TANGO6: variants seen among roughly 807,000 people sequenced by gnomAD.
TANGO6 encodes the protein transport and golgi organization 6 homolog.
In TANGO6, 90 loss-of-function variants were observed where a neutral mutation model predicts 114.2. That is an observed-to-expected ratio of 0.79 (90% CI 0.66 to 0.94). The LOEUF (loss-of-function observed/expected upper bound fraction) is 0.94, where lower values mean the gene tolerates loss of function less well. Ranked by LOEUF, TANGO6 falls within the 40% of genes least tolerant of loss-of-function variation. The probability of loss-of-function intolerance (pLI) is 0.00; values close to 1 mark genes in which losing one functional copy is unlikely to be tolerated. For synonymous variants in TANGO6, 477 were observed against 509.8 expected, an observed-to-expected ratio of 0.94 and a Z score of 0.87; for missense variants, 1,274 against 1,315.3, an observed-to-expected ratio of 0.97 and a Z score of 0.49.
At chr16:68,930,141 A>AG in intron 13 of TANGO6, 97 bp from the exon 14 acceptor site, 1 of 1,027,506 alleles carries the variant, frequency 9.7e-7, no homozygotes, top group East Asian at 2.6e-5. Context: ...AAAAACAAGA[A>AG]GCGAAGCATT....
intron 14 of TANGO6, among the ~76,000 whole-genome samples, chr16:68,940,314 G>A (rs937625376): frequency 6.6e-6 from 1 of 151,842 alleles, no homozygotes; most frequent in Admixed American, 6.6e-5. Context: ...GCCTCTCAAA[G>A]TGTTGGGATT....
At chr16:68,850,240 G>A (rs988475484) in intron 1 of TANGO6, among the ~76,000 whole-genome samples, 1 of 152,056 alleles carries the variant, frequency 6.6e-6, no homozygotes, top group African/African-American at 2.4e-5. Flanking sequence ...CCAAAGTGCT[G>A]GGATTACAGG....
chr16:68,880,281 A>G (rs1962438184), intron 6 of TANGO6, among the ~76,000 whole-genome samples: 1 of 152,082 alleles, frequency 6.6e-6, no homozygotes, highest in South Asian at 2.1e-4. Flanking sequence ...CTAAAATGAA[A>G]ATTCTAAGTG....
intron 7 of TANGO6, among the ~76,000 whole-genome samples, chr16:68,886,564 A>AG (rs1962541854): frequency 6.6e-6 from 1 of 152,070 alleles, no homozygotes; most frequent in Admixed American, 6.6e-5. Flanking sequence ...GCTGGAGTGC[A>AG]ATGGCATGAT....
At chr16:68,955,870 C>T (rs1963524950) in intron 14 of TANGO6, among the ~76,000 whole-genome samples, 1 of 152,140 alleles carries the variant, frequency 6.6e-6, no homozygotes. Context: ...ATTATATAAG[C>T]CAGGCATGGT....
chr16:68,987,951 CTT>C (rs1481576689), intron 15 of TANGO6, among the ~76,000 whole-genome samples: 1 of 152,086 alleles, frequency 6.6e-6, no homozygotes, highest in African/African-American at 2.4e-5. Context: ...TCATGTATCT[CTT>C]TTGTGAAGTA....
At chr16:68,976,091 C>A (rs1963763317) in intron 15 of TANGO6, among the ~76,000 whole-genome samples, 1 of 152,008 alleles carries the variant, frequency 6.6e-6, no homozygotes, top group Admixed American at 6.6e-5. Context: ...CATGCCACCA[C>A]ACCTGGCTAA....
intron 14 of TANGO6, among the ~76,000 whole-genome samples, chr16:68,946,196 CTTT>C (rs1314475382): frequency 6.9e-6 from 1 of 144,812 alleles, no homozygotes; most frequent in Non-Finnish European, 1.5e-5. Flanking sequence ...TCTTCTTCTT[CTTT>C]TTTTTTTTTT....
At position 68,909,203 on chromosome 16, in the gene TANGO6, G is replaced by A; in HGVS notation, c.1801-8G>A. On this transcript the variant is annotated splice_polypyrimidine_tract_variant and splice_region_variant and intron_variant, in intron 10 of 17. Transcript: ENST00000261778. ...ATCTTCACTTTTTCTTTCCTGCCAT[G>A]CTTGTAGGAGTTGACTCATGTGGCC... 1 of 1,516,752 alleles carries A rather than the reference G, an allele frequency of 6.6e-7. No individual in the cohort carries two copies. The highest frequency in any genetic ancestry group is 2.1e-5 in the Admixed American group (1 of 47,618). The allele number at this position is 1,516,752 out of a possible 1,614,324, so 94.0% of individuals were successfully genotyped here.
intron 14 of TANGO6, among the ~76,000 whole-genome samples, chr16:68,967,536 C>T (rs1314942649): frequency 6.6e-6 from 1 of 152,204 alleles, no homozygotes; most frequent in Admixed American, 6.6e-5. Flanking sequence ...TATTAGCAGT[C>T]ACTCCCTGCT....
At chr16:68,873,118 G>A (rs1962304353) in intron 4 of TANGO6, among the ~76,000 whole-genome samples, 1 of 148,334 alleles carries the variant, frequency 6.7e-6, no homozygotes, top group South Asian at 2.1e-4. Flanking sequence ...CTCCCCCCAT[G>A]TCCCCCCAAA....
rs762623013 is a variant in TANGO6, at chr16:68,902,427, G to T, written c.1590G>T (p.Val530=). The T allele has an allele frequency of 1.1e-5, 17 of 1,613,876 alleles. No homozygotes were observed. Among genetic ancestry groups the T allele is most frequent in the Non-Finnish European group, 1.2e-5 (14 of 1,179,830 alleles). ...LKGFAGLDKA[V]PSLHSLCQFR... is the part of the protein sequence containing the mutation. ...GATTTGCAGGGTTGGACAAAGCTGTGCCCTCTCTCCATTCTCTGTGTCAGT... is the reference window on the plus strand; with the variant it reads ...GATTTGCAGGGTTGGACAAAGCTGTTCCCTCTCTCCATTCTCTGTGTCAGT... Residue 530 remains valine (V), a synonymous_variant, in exon 9 of 18, where the codon GTG becomes GTT. Coordinates refer to ENST00000261778, the MANE Select transcript of TANGO6 (RefSeq NM_024562.2).
intron 11 of TANGO6, among the ~76,000 whole-genome samples, chr16:68,913,501 C>G (rs953767140): frequency 6.6e-6 from 1 of 150,514 alleles, no homozygotes. Context: ...CTCTGCCTCC[C>G]GGGTTGAAGC....
At chr16:68,977,625 C>T (rs1963777225) in intron 15 of TANGO6, among the ~76,000 whole-genome samples, 1 of 150,472 alleles carries the variant, frequency 6.6e-6, no homozygotes, top group African/African-American at 2.4e-5. Context: ...ATCTCTTGAA[C>T]CCGGGAGGCA....
chr16:69,004,510 C>T (rs143037355), intron 15 of TANGO6, among the ~76,000 whole-genome samples: 1,819 of 152,148 alleles, frequency 0.012, 42 homozygotes, highest in African/African-American at 0.041. Context: ...CGCTTGCCAC[C>T]ACGCCCGGCT....
rs1218331017 is a variant in TANGO6 at position 69,063,805 on chromosome 16, CTTCTTATTATTA to C, written c.3109-19677_3109-19666del. Among the ~76,000 whole-genome samples, 1,019 of 118,472 alleles carry C rather than the reference CTTCTTATTATTA, an allele frequency of 8.6e-3. 8 individuals are homozygous for C. Among genetic ancestry groups the C allele is most frequent in the African/African-American group, 0.038 (960 of 25,532 alleles). 77.7% of individuals were successfully genotyped at this position (118,472 alleles called of 152,430 possible). On this transcript the variant is annotated intron_variant, in intron 17 of 17. Transcript: ENST00000261778. ...TTTTCTTCTTCTTCTTCTTCTTCTT[CTTCTTATTATTA>C]TTATTATTATTATTATTATTATTAT...
chr16:68,975,203 A>C (rs1963751864), intron 15 of TANGO6, among the ~76,000 whole-genome samples: 2 of 152,184 alleles, frequency 1.3e-5, no homozygotes, highest in African/African-American at 4.8e-5. Flanking sequence ...TTTACAGATG[A>C]AGAAACTGTA....
Position 68,875,283 on chromosome 16 carries a change from G to T in TANGO6, c.1124G>T (p.Cys375Phe). The change falls in exon 5 of 18, where the codon TGC becomes TTC. Residue 375 changes from cysteine (C) to phenylalanine (F), a missense_variant. Cys to Phe is a radical substitution (Grantham distance 205). Coordinates refer to ENST00000261778, the MANE Select transcript of TANGO6 (RefSeq NM_024562.2). Reference protein sequence around the residue: ...LSPENYYRDICPQVLDLFHFQ... With the variant: ...LSPENYYRDIFPQVLDLFHFQ... ...CCAGAGAATTACTACAGGGACATCTGCCCCCAGGTAAATCTTTTTGTTTCT... is the reference window on the plus strand; with the variant it reads ...CCAGAGAATTACTACAGGGACATCTTCCCCCAGGTAAATCTTTTTGTTTCT... 6.2e-7 allele frequency: 1 copy of T among 1,612,326 alleles called. No homozygotes were observed. The highest frequency in any genetic ancestry group is 1.3e-5 in the African/African-American group (1 of 74,996).
chr16:68,902,355 G>A lies in TANGO6; in HGVS notation c.1518G>A (p.Trp506Ter). The A allele has an allele frequency of 6.2e-7, 1 of 1,611,042 alleles. No individual in the cohort carries two copies. The highest frequency in any genetic ancestry group is 8.5e-7 in the Non-Finnish European group (1 of 1,178,786). Residue 506 changes from tryptophan (W) to a stop codon, truncating the protein, a stop_gained, in exon 9 of 18, where the codon TGG becomes TGA. Transcript: ENST00000261778. LOFTEE classifies it high-confidence loss of function. ...CACTTTGCCAAGAAATCTTATTATG[G>A]ATTCTGGGGAAGCTGGAAAGGAAGA... ...IRSLCQEILL[W>*]ILGKLERKKA...
Sources: allele counts gnomAD v4.1 joint callset (sites outside exome capture counted in the v4.1 genomes callset), GRCh38; gene constraint gnomAD v4.1.1; transcripts MANE v1.5; gene names NCBI Gene and HGNC (gene_info 2026-07-23, HGNC 2026-07-21).